The following CADPS variants were observed in gnomAD, a reference collection of about 807,000 sequenced individuals.
CADPS encodes the protein calcium-dependent secretion activator 1.
A neutral mutation model predicts 167.3 loss-of-function variants in CADPS; 57 were observed. The ratio of observed to expected loss-of-function variants is 0.34; its 90% confidence interval spans 0.28 to 0.42. CADPS has a LOEUF of 0.42. Ranked by LOEUF, CADPS falls within the 20% of genes least tolerant of loss-of-function variation. The probability of loss-of-function intolerance (pLI) is 1.00; values close to 1 mark genes in which losing one functional copy is unlikely to be tolerated. For missense variants in CADPS, 1,414 were observed against 1,738.1 expected, an observed-to-expected ratio of 0.81 and a Z score of 3.32; for synonymous variants, 676 against 635.3, an observed-to-expected ratio of 1.06 and a Z score of -0.96.
At chr3:62,506,393 A>T (rs1192725682) in intron 17 of CADPS, among the ~76,000 whole-genome samples, 1 of 152,234 alleles carries the variant, frequency 6.6e-6, no homozygotes, top group African/African-American at 2.4e-5. Flanking sequence ...GTCTCAAAAA[A>T]CAAAAACAAA....
chr3:62,530,714 G>A, intron 13 of CADPS: 1 of 1,288,730 alleles, frequency 7.8e-7, no homozygotes, highest in Non-Finnish European at 1.0e-6. Context: ...TTCCTTTTTG[G>A]TATCTTTTTT....
At position 62,602,337 on chromosome 3, in the gene CADPS, A is replaced by G. The variant is rs906920603; in HGVS notation, c.1326-9589T>C. Among the ~76,000 whole-genome samples the G allele has an allele frequency of 1.3e-5, 2 of 151,936 alleles. No homozygotes were observed. Among genetic ancestry groups the G allele is most frequent in the Non-Finnish European group, 2.9e-5 (2 of 67,998 alleles). Reference sequence around the variant, plus strand: ...TAAGGCCATAATTCATGTCTCGGAGACTGGATTTGCATTTATTCAAGGTAT... The same window carrying G: ...TAAGGCCATAATTCATGTCTCGGAGGCTGGATTTGCATTTATTCAAGGTAT... On this transcript the variant is annotated intron_variant, in intron 6 of 29. Coordinates refer to ENST00000383710, the MANE Select transcript of CADPS (RefSeq NM_003716.4). This position sits in a 1 kb window ranked among gnomAD's most constrained non-coding sequence, Gnocchi z 4.4.
At chr3:62,668,119 A>C (rs1467521185) in intron 3 of CADPS, among the ~76,000 whole-genome samples, 1 of 152,258 alleles carries the variant, frequency 6.6e-6, no homozygotes, top group African/African-American at 2.4e-5. Flanking sequence ...GGCAGCCTTC[A>C]GTCAACCAAA....
In CADPS at chr3:62,494,851, C is replaced by T. The variant is rs577414775; in HGVS notation, c.2707-1186G>A. On this transcript the variant is annotated intron_variant, in intron 18 of 29. Transcript: ENST00000383710. ...TTTGTTTTTGTATTTTCAGTAGAGA[C>T]GGGGTTGCATCATGTTGGCCAGGCT... Among the ~76,000 whole-genome samples, 84 of 151,664 alleles carry T rather than the reference C, an allele frequency of 5.5e-4. 2 individuals are homozygous for T. The South Asian group carries it at 7.1e-3, about 13-fold the overall frequency.
At chr3:62,490,159 C>A (rs1297154529) in intron 21 of CADPS, among the ~76,000 whole-genome samples, 1 of 152,096 alleles carries the variant, frequency 6.6e-6, no homozygotes, top group African/African-American at 2.4e-5. Flanking sequence ...GGCTGCAAGT[C>A]AAGGCTTCCA....
chr3:62,854,486 T>C (rs1038952691), intron 1 of CADPS, among the ~76,000 whole-genome samples: 2 of 152,196 alleles, frequency 1.3e-5, no homozygotes, highest in Non-Finnish European at 2.9e-5. Context: ...GAAATGACTA[T>C]AGGATTGGGT....
intron 26 of CADPS, among the ~76,000 whole-genome samples, chr3:62,447,164 G>A (rs2057347383): frequency 6.6e-6 from 1 of 152,194 alleles, no homozygotes. Context: ...GGGAAATCAT[G>A]CCAAGTTCCT....
intron 10 of CADPS, among the ~76,000 whole-genome samples, chr3:62,555,363 T>C (rs933145458): frequency 3.9e-5 from 6 of 152,202 alleles, no homozygotes; most frequent in Non-Finnish European, 5.9e-5. Context: ...ACTCCTGCCC[T>C]CCCCACTGAG....
intron 1 of CADPS, among the ~76,000 whole-genome samples, chr3:62,819,514 GC>G (rs370677495): frequency 2.6e-5 from 4 of 151,434 alleles, no homozygotes; most frequent in African/African-American, 7.3e-5. Context: ...GAAAGGCATG[GC>G]CCCCCCTTCA....
intron 6 of CADPS, among the ~76,000 whole-genome samples, chr3:62,642,824 C>T (rs2067699709): frequency 6.6e-6 from 1 of 152,004 alleles, no homozygotes; most frequent in Non-Finnish European, 1.5e-5. Flanking sequence ...GTGGGAGGAT[C>T]ACCTGAGCCC....
At position 62,840,474 on chromosome 3, in the gene CADPS, A is replaced by C. The variant is rs554030280; in HGVS notation, c.441+34115T>G. 3.9e-5 allele frequency among the ~76,000 whole-genome samples: 6 copies of C among 152,326 alleles called. No individual in the cohort carries two copies. The South Asian group carries it at 8.3e-4, about 21-fold the overall frequency. ...ATGATACTTTCAATCATATAAATGAAAACTTAGTTTTTTGAACTGACATAT... is the reference window on the plus strand; with the variant it reads ...ATGATACTTTCAATCATATAAATGACAACTTAGTTTTTTGAACTGACATAT... On this transcript the variant is annotated intron_variant, in intron 1 of 29. Transcript: ENST00000383710.
intron 8 of CADPS, among the ~76,000 whole-genome samples, chr3:62,576,587 T>C (rs2082308823): frequency 6.7e-6 from 1 of 150,326 alleles, no homozygotes; most frequent in Non-Finnish European, 1.5e-5. Context: ...GGTTAGAAGA[T>C]TGAGACCAGC....
chr3:62,623,340 A>C (rs762508655), intron 6 of CADPS, among the ~76,000 whole-genome samples: 1 of 152,186 alleles, frequency 6.6e-6, no homozygotes, highest in Non-Finnish European at 1.5e-5. Context: ...TCAAGGAGAC[A>C]GAGAGACAGG....
intron 3 of CADPS, among the ~76,000 whole-genome samples, chr3:62,687,302 A>G (rs2078224774): frequency 6.6e-6 from 1 of 152,074 alleles, no homozygotes; most frequent in South Asian, 2.1e-4. Context: ...TCAACATCAG[A>G]TCATAGGTTT....
intron 24 of CADPS, chr3:62,467,394 A>C: frequency 2.8e-6 from 2 of 722,278 alleles, no homozygotes; most frequent in South Asian, 3.6e-5. Flanking sequence ...CACATGAGAA[A>C]ATAAAAATTA....
chr3:62,833,710 G>A (rs1358412843), intron 1 of CADPS, among the ~76,000 whole-genome samples: 1 of 152,056 alleles, frequency 6.6e-6, no homozygotes, highest in Admixed American at 6.6e-5. Flanking sequence ...TAGGGGGCAT[G>A]AGGGAGACAG....
intron 6 of CADPS, among the ~76,000 whole-genome samples, chr3:62,634,189 C>T (rs1472750349): frequency 2.0e-5 from 3 of 152,114 alleles, no homozygotes; most frequent in Non-Finnish European, 4.4e-5. Context: ...GAGAAATTAC[C>T]GTTATGATAT....
chr3:62,765,799 T>A, intron 2 of CADPS, 72 bp downstream of exon 2: 1 of 903,602 alleles, frequency 1.1e-6, no homozygotes, highest in Non-Finnish European at 1.7e-6. Context: ...CTGTCCCCAT[T>A]GCCCTGCAGC....
At chr3:62,494,331 T>C (rs1209819391) in intron 18 of CADPS, among the ~76,000 whole-genome samples, 1 of 152,196 alleles carries the variant, frequency 6.6e-6, no homozygotes, top group African/African-American at 2.4e-5. Flanking sequence ...ACCAGCCTTT[T>C]AGGCAGAGAC....
Sources: allele counts gnomAD v4.1 joint callset (sites outside exome capture counted in the v4.1 genomes callset), GRCh38; gene constraint gnomAD v4.1.1; non-coding constraint Gnocchi (gnomAD v3.1); transcripts MANE v1.5; gene names NCBI Gene and HGNC (gene_info 2026-07-23, HGNC 2026-07-21).